The following NRXN3 variants were observed in gnomAD, a reference collection of about 807,000 sequenced individuals.
NRXN3 encodes neurexin III.
Under a neutral mutation model 137.6 loss-of-function variants are expected in NRXN3, and 32 were observed. The ratio of observed to expected loss-of-function variants is 0.23; its 90% CI spans 0.18 to 0.31. The LOEUF is 0.31. Ranked by LOEUF, NRXN3 falls within the 10% of genes least tolerant of loss-of-function variation. NRXN3 has a pLI of 1.00. For synonymous variants in NRXN3, 798 were observed against 784.5 expected (o/e 1.02, Z -0.29); for missense variants, 1,574 against 2,062.5 (o/e 0.76, Z 4.59).
At chr14:79,565,491 G>A (rs2097543314) in intron 16 of NRXN3, among the ~76,000 whole-genome samples, 1 of 151,720 alleles carries the variant, frequency 6.6e-6, no homozygotes, top group African/African-American at 2.4e-5. Flanking sequence ...CACGGGTAGA[G>A]GAGCTATTCA....
intron 19 of NRXN3, among the ~76,000 whole-genome samples, chr14:79,728,224 T>G (rs2098903897): frequency 6.6e-6 from 1 of 152,166 alleles, no homozygotes; most frequent in Non-Finnish European, 1.5e-5. Context: ...AGCAGGATCT[T>G]TGTACGTTTA....
chr14:78,248,134 G>T (rs1314812908), intron 2 of NRXN3, among the ~76,000 whole-genome samples: 1 of 152,204 alleles, frequency 6.6e-6, no homozygotes, highest in Non-Finnish European at 1.5e-5. Flanking sequence ...CTGTGGACTT[G>T]AGTGGGTGCC....
intron 4 of NRXN3, among the ~76,000 whole-genome samples, chr14:78,307,501 G>A (rs965277007): frequency 6.6e-6 from 1 of 152,120 alleles, no homozygotes; most frequent in Non-Finnish European, 1.5e-5. Flanking sequence ...TTCACTGTGT[G>A]TAAATAGAAG....
At chr14:78,754,158 G>A (rs1007629634) in intron 8 of NRXN3, among the ~76,000 whole-genome samples, 12 of 152,150 alleles carry the variant, frequency 7.9e-5, no homozygotes, top group Non-Finnish European at 1.2e-4. Flanking sequence ...TGTTAAGCTC[G>A]AGTTTTGCTT....
intron 15 of NRXN3, among the ~76,000 whole-genome samples, chr14:79,256,646 A>G (rs1487871797): frequency 6.6e-6 from 1 of 152,154 alleles, no homozygotes; most frequent in Admixed American, 6.5e-5. Context: ...TGTTCATCTG[A>G]CTTCACAGCA....
intron 15 of NRXN3, among the ~76,000 whole-genome samples, chr14:79,002,812 T>A (rs960080459): frequency 1.3e-5 from 2 of 152,156 alleles, no homozygotes; most frequent in Non-Finnish European, 2.9e-5. Flanking sequence ...CCACAATGGT[T>A]ACACAATTTA....
intron 15 of NRXN3, among the ~76,000 whole-genome samples, chr14:79,430,158 C>T (rs533071369): frequency 1.3e-5 from 2 of 152,192 alleles, no homozygotes; most frequent in East Asian, 1.9e-4. Context: ...AAATTGTCCT[C>T]GACAGAATAA....
At chr14:78,820,425 T>TAA (rs10632138) in intron 10 of NRXN3, among the ~76,000 whole-genome samples, 93,183 of 120,760 alleles carry the variant, frequency 0.77, 39,235 homozygotes, top group Non-Finnish European at 0.94. Flanking sequence ...ATGTTATTTC[T>TAA]AAAAAAAAAA....
chr14:79,572,742 A>T (rs540263549), intron 16 of NRXN3: 57 of 152,330 alleles, frequency 3.7e-4, no homozygotes, highest in African/African-American at 1.3e-3. Flanking sequence ...TACATTAAGG[A>T]TAATATGTAA....
At chr14:78,965,783 C>T (rs2099416332) in intron 11 of NRXN3, among the ~76,000 whole-genome samples, 1 of 152,124 alleles carries the variant, frequency 6.6e-6, no homozygotes, top group Non-Finnish European at 1.5e-5. Flanking sequence ...TTACTCATGA[C>T]CTCATATTTC....
At chr14:79,563,185 C>T (rs2097516887) in intron 16 of NRXN3, among the ~76,000 whole-genome samples, 1 of 152,070 alleles carries the variant, frequency 6.6e-6, no homozygotes, top group African/African-American at 2.4e-5. Context: ...AAATTCTTAT[C>T]CATAGAGAAT....
intron 15 of NRXN3, among the ~76,000 whole-genome samples, chr14:79,220,051 T>G (rs187275461): frequency 2.0e-5 from 3 of 152,312 alleles, no homozygotes; most frequent in Admixed American, 1.3e-4. Context: ...TACATTGGAA[T>G]GTAGTTTATA....
At chr14:78,255,705 G>A (rs2069458916) in intron 2 of NRXN3, among the ~76,000 whole-genome samples, 1 of 152,176 alleles carries the variant, frequency 6.6e-6, no homozygotes, top group Non-Finnish European at 1.5e-5. Flanking sequence ...GCACTTACAG[G>A]CTTGTTTGCT....
chr14:79,369,833 G>A (rs776459525), intron 15 of NRXN3, among the ~76,000 whole-genome samples: 3 of 152,182 alleles, frequency 2.0e-5, no homozygotes, highest in Non-Finnish European at 2.9e-5. Context: ...AAGACATAGA[G>A]CAGGGCTGAT....
chr14:79,024,969 T>C (rs918709631), intron 15 of NRXN3, among the ~76,000 whole-genome samples: 2 of 152,186 alleles, frequency 1.3e-5, no homozygotes, highest in Admixed American at 1.3e-4. Flanking sequence ...CATAGAGGCA[T>C]AAAGTCCTAC....
chr14:79,695,174 A>G lies in NRXN3; in HGVS notation c.3707-2456A>G, dbSNP rs138443624. ...AATGATGGCAACTGGAATGAAGGAG[A>G]CTCATCATCTCTAGCCAGTGTAATT... On this transcript the variant is annotated intron_variant, in intron 18 of 20. Transcript: ENST00000335750. Among the ~76,000 whole-genome samples, 1,319 of 151,450 alleles carry G rather than the reference A, an allele frequency of 8.7e-3. 19 individuals are homozygous for G. The highest frequency in any genetic ancestry group is 0.024 in the Middle Eastern group (7 of 294).
chr14:79,656,558 C>T (rs764893383), intron 16 of NRXN3, among the ~76,000 whole-genome samples: 2 of 151,774 alleles, frequency 1.3e-5, no homozygotes, highest in African/African-American at 2.4e-5. Context: ...CCTTGCTTCT[C>T]GCCTTTTCAG....
At chr14:78,443,751 G>T (rs1218803614) in intron 4 of NRXN3, among the ~76,000 whole-genome samples, 4 of 152,166 alleles carry the variant, frequency 2.6e-5, no homozygotes, top group African/African-American at 9.7e-5. Flanking sequence ...GTGTTACAAA[G>T]TTTATATGAA....
chr14:78,665,586 T>C (rs1405098918), intron 6 of NRXN3, among the ~76,000 whole-genome samples: 1 of 152,182 alleles, frequency 6.6e-6, no homozygotes, highest in Non-Finnish European at 1.5e-5. Context: ...GATAGTGAGT[T>C]GGTCTCCAGG....
Sources: gnomAD v4.1 joint callset for allele counts (sites outside exome capture counted in the v4.1 genomes callset) on GRCh38, gnomAD v4.1.1 for gene constraint, MANE v1.5 for transcripts, NCBI Gene and HGNC (gene_info 2026-07-23, HGNC 2026-07-21) for gene names.